Variants in TAF11 observed in about 807,000 individuals in gnomAD.
TAF11 encodes the protein transcription initiation factor TFIID subunit 11.
TAF11 carries 10 observed loss-of-function variants against 23.0 expected under a neutral mutation model. That is an observed-to-expected ratio of 0.43 (90% CI 0.27 to 0.74). The LOEUF (loss-of-function observed/expected upper bound fraction) is 0.74. TAF11 is among the 30% of genes least tolerant of loss of function. The pLI is 0.19. For synonymous variants in TAF11, 85 were observed against 95.8 expected (o/e 0.89, Z 0.66); for missense variants, 196 against 261.7 (o/e 0.75, Z 1.73).
At position 34,878,559 on chromosome 6, in the gene TAF11, G is replaced by T; in HGVS notation, c.*31C>A. 1 of 1,214,148 alleles carries T rather than the reference G, an allele frequency of 8.2e-7. No homozygotes were observed. The highest frequency in any genetic ancestry group is 1.2e-6 in the Non-Finnish European group (1 of 815,632). 75.2% of individuals were successfully genotyped at this position (1,214,148 alleles called of 1,614,324 possible). On this transcript the variant is annotated 3_prime_UTR_variant, in exon 5 of 5. Transcript: ENST00000361288. ...GAAGTCTGGAACCAATACTTCTTCC[G>T]TCAGTAACATAGGCCTTTCTAGACT...
rs1050382930 is a variant in TAF11, at chr6:34,877,898, C to G, written c.*692G>C. 2 of 152,152 alleles carry G rather than the reference C, an allele frequency of 1.3e-5. No homozygotes were observed. Among genetic ancestry groups the G allele is most frequent in the African/African-American group, 4.8e-5 (2 of 41,420 alleles). The allele number at this position is 152,152 out of a possible 1,614,324, so 9.4% of individuals were successfully genotyped here. A position where few individuals can be genotyped will look rare whatever the true frequency, so the allele number is the denominator to read the frequency against. ...CCGCATCCTTCATGGTAGAGTATCA[C>G]AAGTAAAAGTTTCTGGTTGTTTCAT... On this transcript the variant is annotated 3_prime_UTR_variant, in exon 5 of 5. Transcript: ENST00000361288.
chr6:34,885,513 T>C (rs1465424604), intron 1 of TAF11, among the ~76,000 whole-genome samples: 1 of 152,244 alleles, frequency 6.6e-6, no homozygotes, highest in African/African-American at 2.4e-5. Flanking sequence ...TTTCTACTTT[T>C]AAGAGTTCAT....
chr6:34,884,852 T>TA (rs1274059187), intron 1 of TAF11, among the ~76,000 whole-genome samples: 2 of 152,218 alleles, frequency 1.3e-5, no homozygotes, highest in South Asian at 2.1e-4. Context: ...TATTTTCCTT[T>TA]AAAAAATCAC....
chr6:34,884,179 G>A (rs895372288), intron 1 of TAF11, among the ~76,000 whole-genome samples: 144 of 152,106 alleles, frequency 9.5e-4, no homozygotes, highest in African/African-American at 3.4e-3. Context: ...GCCCATCAAT[G>A]GTAGACTGGA....
In TAF11 at chr6:34,880,681, C is replaced by A. The variant is rs754823540; in HGVS notation, c.321-305G>T. On this transcript the variant is annotated intron_variant, in intron 2 of 4. Transcript: ENST00000361288. The surrounding 1 kb of genome is among the most constrained non-coding windows in gnomAD (Gnocchi z 4.8). The stretch of plus-strand genomic sequence containing the variant: ...TAACTCTATCTTATTGAATTTCACA[C>A]TGATGGTAAAAATTTAATATACAAA... Among the ~76,000 whole-genome samples the A allele has an allele frequency of 6.6e-6, 1 of 152,194 alleles. No homozygotes were observed. The highest frequency in any genetic ancestry group is 1.5e-5 in the Non-Finnish European group (1 of 68,036).
chr6:34,881,201 G>T (rs1000798456), intron 2 of TAF11, among the ~76,000 whole-genome samples: 1 of 152,120 alleles, frequency 6.6e-6, no homozygotes, highest in African/African-American at 2.4e-5. Flanking sequence ...TACCCAACCA[G>T]AAGCACTATA....
intron 2 of TAF11, among the ~76,000 whole-genome samples, chr6:34,882,573 T>C (rs2127432553): frequency 6.6e-6 from 1 of 151,448 alleles, no homozygotes; most frequent in Admixed American, 6.6e-5. Flanking sequence ...GAACTCAGGA[T>C]GTGGAGGCTG....
Position 34,880,705 on chromosome 6 carries a change from A to G in TAF11, c.321-329T>C, listed in dbSNP as rs1211293328. Among the ~76,000 whole-genome samples the G allele has an allele frequency of 6.6e-6, 1 of 152,234 alleles. No homozygotes were observed. Among genetic ancestry groups the G allele is most frequent in the Non-Finnish European group, 1.5e-5 (1 of 68,042 alleles). On this transcript the variant is annotated intron_variant, in intron 2 of 4. Transcript: ENST00000361288. This position sits in a 1 kb window ranked among gnomAD's most constrained non-coding sequence, Gnocchi z 4.8. The stretch of plus-strand genomic sequence containing the variant: ...ACTGATGGTAAAAATTTAATATACA[A>G]ATTTATAATCAAACCAGTAGTTTTC...
In TAF11 at chr6:34,879,500, A is replaced by G. The variant is rs1766379617; in HGVS notation, c.505+467T>C. On this transcript the variant is annotated intron_variant, in intron 4 of 4. Transcript: ENST00000361288. ...AAAAATAATAATAATTTAAAAGTAT[A>G]TATCTCCTGCTCAAAAAAAAAAAAA... The G allele has an allele frequency of 6.1e-6, 6 of 978,252 alleles. No individual in the cohort carries two copies. The South Asian group carries it at 2.4e-4, about 39-fold the overall frequency. 60.6% of individuals were successfully genotyped at this position (978,252 alleles called of 1,614,324 possible). A position where few individuals can be genotyped will look rare whatever the true frequency, so the allele number is the denominator to read the frequency against.
Position 34,880,129 on chromosome 6 carries a change from A to G in TAF11, c.409-66T>C. 1.3e-6 allele frequency: 2 copies of G among 1,554,800 alleles called. No individual in the cohort carries two copies. The highest frequency in any genetic ancestry group is 1.8e-6 in the Non-Finnish European group (2 of 1,130,194). On this transcript the variant is annotated intron_variant, in intron 3 of 4. Transcript: ENST00000361288. This position sits in a 1 kb window ranked among gnomAD's most constrained non-coding sequence, Gnocchi z 4.8. Reference sequence around the variant, plus strand: ...AGACTGGCTTTGGAACACAGTACCAAGTAATTCACAGAAAAAGGTAAGATA... The same window carrying G: ...AGACTGGCTTTGGAACACAGTACCAGGTAATTCACAGAAAAAGGTAAGATA...
intron 1 of TAF11, among the ~76,000 whole-genome samples, chr6:34,887,026 G>A (rs1581643753): frequency 6.6e-6 from 1 of 152,122 alleles, no homozygotes; most frequent in East Asian, 1.9e-4. Flanking sequence ...CCTGATCACC[G>A]GGTGCGGTGG....
At chr6:34,885,857 C>T (rs1240999503) in intron 1 of TAF11, among the ~76,000 whole-genome samples, 1 of 152,184 alleles carries the variant, frequency 6.6e-6, no homozygotes, top group Admixed American at 6.5e-5. Context: ...TGCGGTGGCT[C>T]ATGCCTATAA....
rs16895197 is a variant in TAF11 at position 34,887,895 on chromosome 6, C to A, written c.63G>T (p.Thr21=). The A allele has an allele frequency of 1.9e-6, 3 of 1,614,086 alleles. No individual in the cohort carries two copies. In the African/African-American group the frequency reaches 4.0e-5, roughly 22 times the overall value. Residue 21 remains threonine (T), a synonymous_variant, in exon 1 of 5, where the codon ACG becomes ACT. Transcript: ENST00000361288. ...CCCCCGGGTCCCCGGGCACAGCGGC[C>A]GTCTCATCCGACTCCCCTGTCTCTC... ...KGGETGESDE[T]AAVPGDPGAT... is the part of the protein sequence containing the mutation.
In TAF11 at chr6:34,879,958, A is replaced by C. The variant is rs760405362; in HGVS notation, c.505+9T>G. ...GTACAATCCAGTATTTGTAACCAAC[A>C]CTACTCACCTTCTTCTACCACCTCC... is the stretch of plus-strand genomic sequence containing the variant. On this transcript the variant is annotated intron_variant, in intron 4 of 4. Coordinates refer to ENST00000361288, the MANE Select transcript of TAF11 (RefSeq NM_005643.4). 2 of 1,612,208 alleles carry C rather than the reference A, an allele frequency of 1.2e-6. No individual in the cohort carries two copies. The highest frequency in any genetic ancestry group is 8.5e-7 in the Non-Finnish European group (1 of 1,178,584).
chr6:34,881,398 G>C (rs1766421700), intron 2 of TAF11, among the ~76,000 whole-genome samples: 2 of 152,144 alleles, frequency 1.3e-5, no homozygotes, highest in African/African-American at 4.8e-5. Flanking sequence ...ACTCTGCGTG[G>C]TGAGTTTATG....
In TAF11 at chr6:34,880,636, A is replaced by G. The variant is rs372691612; in HGVS notation, c.321-260T>C. On this transcript the variant is annotated intron_variant, in intron 2 of 4. Transcript: ENST00000361288. The surrounding 1 kb of genome is among the most constrained non-coding windows in gnomAD (Gnocchi z 4.8). ...GTATCGTACTACACAGACTGTTTGC[A>G]GCATTAGACACTATCTCCATAACTC... Among the ~76,000 whole-genome samples, 13 of 149,432 alleles carry G rather than the reference A, an allele frequency of 8.7e-5. No individual in the cohort carries two copies. The East Asian group carries it at 2.1e-3, about 24-fold the overall frequency.
At chr6:34,883,171 A>C in intron 1 of TAF11, 91 bp from the exon 2 acceptor site, 5 of 1,345,682 alleles carry the variant, frequency 3.7e-6, no homozygotes, top group Non-Finnish European at 5.1e-6. Context: ...ACAAAACAAC[A>C]AATCCATTTA....
At chr6:34,879,611 T>C in intron 4 of TAF11, 1 of 985,266 alleles carries the variant, frequency 1.0e-6, no homozygotes, top group Non-Finnish European at 1.2e-6. Context: ...GATCACAACA[T>C]TAGGGACAAC....
rs1417639590 is a variant in TAF11 at position 34,877,589 on chromosome 6, G to C, written c.*1001C>G. ...ATTGTTTATTTTCATCTCAGTCTTG[G>C]GGGGGGAATTATTACACTGTTTTTA... On this transcript the variant is annotated 3_prime_UTR_variant, in exon 5 of 5. Transcript: ENST00000361288. The C allele has an allele frequency of 1.3e-5, 2 of 152,170 alleles. No individual in the cohort carries two copies. The highest frequency in any genetic ancestry group is 4.9e-5 in the African/African-American group (2 of 41,230). 9.4% of individuals were successfully genotyped at this position (152,170 alleles called of 1,614,324 possible).
Sources: allele counts gnomAD v4.1 joint callset (sites outside exome capture counted in the v4.1 genomes callset), GRCh38; gene constraint gnomAD v4.1.1; non-coding constraint Gnocchi (gnomAD v3.1); transcripts MANE v1.5; gene names NCBI Gene and HGNC (gene_info 2026-07-23, HGNC 2026-07-21).